Variants in MIPOL1 observed in about 807,000 individuals in gnomAD.
MIPOL1 encodes the protein mirror-image polydactyly gene 1 protein.
MIPOL1 carries 57 observed loss-of-function variants against 60.9 expected under a neutral mutation model. The ratio of observed to expected loss-of-function variants is 0.94; its 90% confidence interval spans 0.76 to 1.17. The LOEUF (loss-of-function observed/expected upper bound fraction) is 1.17, where lower values mean the gene tolerates loss of function less well. Ranked by LOEUF, MIPOL1 falls within the 50% of genes most tolerant of loss-of-function variation. The pLI is 0.00. For missense variants in MIPOL1, 551 were observed against 511.6 expected (o/e 1.08, Z -0.74); for synonymous variants, 179 against 168.8 (o/e 1.06, Z -0.47).
intron 9 of MIPOL1, among the ~76,000 whole-genome samples, chr14:37,320,059 A>G (rs2088396531): frequency 6.6e-6 from 1 of 152,208 alleles, no homozygotes; most frequent in African/African-American, 2.4e-5. Context: ...CATGTTAAAC[A>G]GATGACAGAA....
intron 9 of MIPOL1, among the ~76,000 whole-genome samples, chr14:37,331,555 T>G (rs1322090725): frequency 6.6e-6 from 1 of 151,222 alleles, no homozygotes; most frequent in Non-Finnish European, 1.5e-5. Context: ...ACATTCTTGT[T>G]TTTTTTTTCA....
At chr14:37,370,704 A>G (rs1448794388) in intron 10 of MIPOL1, among the ~76,000 whole-genome samples, 1 of 152,184 alleles carries the variant, frequency 6.6e-6, no homozygotes, top group Non-Finnish European at 1.5e-5. Flanking sequence ...GTAGGCTTAT[A>G]ATAACTTTGT....
chr14:37,321,078 T>G (rs2088530646), intron 9 of MIPOL1, among the ~76,000 whole-genome samples: 1 of 152,160 alleles, frequency 6.6e-6, no homozygotes, highest in South Asian at 2.1e-4. Flanking sequence ...CTATTCTCAG[T>G]TCTTCATTCA....
intron 8 of MIPOL1, 123 bp downstream of exon 8, chr14:37,308,212 C>A: frequency 8.4e-7 from 1 of 1,188,876 alleles, no homozygotes; most frequent in Non-Finnish European, 1.2e-6. Flanking sequence ...TAATAATGTA[C>A]ATCTTTGCTG....
At chr14:37,277,896 A>G (rs773601537) in intron 6 of MIPOL1, 9 of 151,476 alleles carry the variant, frequency 5.9e-5, no homozygotes, top group Non-Finnish European at 1.2e-4. Context: ...GTTGAATCAC[A>G]TATAGCATGT....
chr14:37,519,007 G>A (rs959960416), intron 12 of MIPOL1, among the ~76,000 whole-genome samples: 14 of 151,924 alleles, frequency 9.2e-5, no homozygotes, highest in Admixed American at 1.3e-4. Flanking sequence ...AGGATAAAGC[G>A]GAAACAGCCT....
chr14:37,434,693 A>G (rs894562736), intron 11 of MIPOL1: 1 of 152,098 alleles, frequency 6.6e-6, no homozygotes, highest in Admixed American at 6.6e-5. Context: ...GGTGTGAGCC[A>G]CCGTACTTAG....
intron 3 of MIPOL1, among the ~76,000 whole-genome samples, chr14:37,263,118 G>A (rs2082626464): frequency 6.6e-6 from 1 of 152,160 alleles, no homozygotes; most frequent in African/African-American, 2.4e-5. Context: ...GAATCTCAAA[G>A]CTTTCTTTCC....
At chr14:37,420,246 C>A (rs1297684911) in intron 10 of MIPOL1, among the ~76,000 whole-genome samples, 1 of 152,058 alleles carries the variant, frequency 6.6e-6, no homozygotes, top group African/African-American at 2.4e-5. Context: ...AACTAGTAGT[C>A]TCAGGAGAAG....
At chr14:37,509,254 C>T (rs1197733001) in intron 12 of MIPOL1, among the ~76,000 whole-genome samples, 1 of 151,938 alleles carries the variant, frequency 6.6e-6, no homozygotes, top group South Asian at 2.1e-4. Context: ...TAAAGTCCTG[C>T]CCATTCTCCT....
chr14:37,203,165 A>C (rs1021470477), intron 1 of MIPOL1, among the ~76,000 whole-genome samples: 6 of 152,222 alleles, frequency 3.9e-5, no homozygotes, highest in Non-Finnish European at 8.8e-5. Flanking sequence ...TGAGACTATC[A>C]TAAAGAGAAG....
At chr14:37,422,013 C>T (rs1009506951) in intron 10 of MIPOL1, among the ~76,000 whole-genome samples, 1 of 151,930 alleles carries the variant, frequency 6.6e-6, no homozygotes, top group Non-Finnish European at 1.5e-5. Flanking sequence ...TGAAAGATAA[C>T]CATTTTATGA....
chr14:37,260,804 C>T (rs1292636187), intron 3 of MIPOL1, among the ~76,000 whole-genome samples: 1 of 152,064 alleles, frequency 6.6e-6, no homozygotes, highest in South Asian at 2.1e-4. Context: ...GCTAAGTTAC[C>T]TAATTTCCTG....
chr14:37,306,317 C>T (rs897401725), intron 7 of MIPOL1, among the ~76,000 whole-genome samples: 2 of 151,744 alleles, frequency 1.3e-5, no homozygotes, highest in African/African-American at 4.8e-5. Context: ...ACTGTTATTT[C>T]CTTCCTGGTC....
intron 1 of MIPOL1, among the ~76,000 whole-genome samples, chr14:37,214,153 A>G (rs1012051081): frequency 3.9e-5 from 6 of 152,140 alleles, no homozygotes; most frequent in African/African-American, 1.2e-4. Context: ...CTCACTTGTA[A>G]TAGTAGACAG....
intron 10 of MIPOL1, among the ~76,000 whole-genome samples, chr14:37,408,512 C>G (rs1485524867): frequency 6.6e-6 from 1 of 152,020 alleles, no homozygotes; most frequent in Non-Finnish European, 1.5e-5. Flanking sequence ...TACCTATAGT[C>G]CCGGCTACCC....
intron 11 of MIPOL1, among the ~76,000 whole-genome samples, chr14:37,454,791 T>C (rs900375422): frequency 6.6e-6 from 1 of 152,214 alleles, no homozygotes; most frequent in South Asian, 2.1e-4. Context: ...AAATTTTACT[T>C]CTCTCGTTTT....
intron 9 of MIPOL1, among the ~76,000 whole-genome samples, chr14:37,343,024 A>G (rs2090688570): frequency 6.7e-6 from 1 of 150,250 alleles, no homozygotes. Context: ...ATATATAGAA[A>G]CATGTCATTG....
chr14:37,291,411 T>G (rs2153416818), intron 7 of MIPOL1, among the ~76,000 whole-genome samples: 1 of 151,096 alleles, frequency 6.6e-6, no homozygotes, highest in African/African-American at 2.4e-5. Flanking sequence ...GTCATTGTTC[T>G]TTTCCATGGT....
Sources: allele counts gnomAD v4.1 joint callset (sites outside exome capture counted in the v4.1 genomes callset), GRCh38; gene constraint gnomAD v4.1.1; transcripts MANE v1.5; gene names NCBI Gene and HGNC (gene_info 2026-07-23, HGNC 2026-07-21).